The following SLC24A3 variants were observed in gnomAD, a reference collection of about 807,000 sequenced individuals.
The protein encoded by SLC24A3 is sodium/potassium/calcium exchanger 3.
In SLC24A3, 28 loss-of-function variants were observed where a neutral mutation model predicts 75.8. The observed-to-expected ratio is 0.37, with a 90% confidence interval of 0.27 to 0.51. The LOEUF is 0.51. Ranked by LOEUF, SLC24A3 falls within the 20% of genes least tolerant of loss-of-function variation. SLC24A3 has a pLI of 0.94. For missense variants in SLC24A3, 663 were observed against 847.8 expected, an observed-to-expected ratio of 0.78 and a Z score of 2.71; for synonymous variants, 372 against 334.1, an observed-to-expected ratio of 1.11 and a Z score of -1.24.
intron 3 of SLC24A3, among the ~76,000 whole-genome samples, chr20:19,554,842 G>A (rs2122603426): frequency 6.6e-6 from 1 of 152,312 alleles, no homozygotes; most frequent in East Asian, 1.9e-4. Context: ...GCTCAGTGGA[G>A]AAGTCAGAGT....
In SLC24A3 at chr20:19,581,826, C is replaced by T. The variant is rs79723012; in HGVS notation, c.423+1752C>T. Among the ~76,000 whole-genome samples the T allele has an allele frequency of 4.0e-4, 61 of 152,264 alleles. No individual in the cohort carries two copies. The East Asian group carries it at 9.5e-3, about 24-fold the overall frequency. ...GGCTTTTCTCTACTCCATCCAGAGA[C>T]GAGCCTGGACCAGGTCATGGTGGTG... is the stretch of plus-strand genomic sequence containing the variant. On this transcript the variant is annotated intron_variant, in intron 4 of 16. Transcript: ENST00000328041.
chr20:19,459,573 A>G (rs146023161), intron 2 of SLC24A3, among the ~76,000 whole-genome samples: 1 of 152,368 alleles, frequency 6.6e-6, no homozygotes, highest in African/African-American at 2.4e-5. Context: ...ACATACTGCA[A>G]TATTCAATAG....
At chr20:19,336,533 C>T (rs1985139280) in intron 2 of SLC24A3, among the ~76,000 whole-genome samples, 2 of 152,098 alleles carry the variant, frequency 1.3e-5, no homozygotes, top group Non-Finnish European at 1.5e-5. Flanking sequence ...TTACAGGCGC[C>T]TGCCACCACA....
In SLC24A3 at chr20:19,593,956, C is replaced by T. The variant is rs116665242; in HGVS notation, c.612+8412C>T. 3.1e-3 allele frequency among the ~76,000 whole-genome samples: 468 copies of T among 152,330 alleles called. 4 individuals are homozygous for T. Among genetic ancestry groups the T allele is most frequent in the African/African-American group, 9.8e-3 (407 of 41,568 alleles). Reference sequence around the variant, plus strand: ...CATTCACTCCTGAACCCCACAACAGCTGCCGGGTGGGCCCAGGCACCCCTA... The same window carrying T: ...CATTCACTCCTGAACCCCACAACAGTTGCCGGGTGGGCCCAGGCACCCCTA... On this transcript the variant is annotated intron_variant, in intron 6 of 16. Transcript: ENST00000328041.
At chr20:19,253,807 G>A (rs1171646090) in intron 1 of SLC24A3, among the ~76,000 whole-genome samples, 1 of 152,246 alleles carries the variant, frequency 6.6e-6, no homozygotes, top group Non-Finnish European at 1.5e-5. Flanking sequence ...ATTCACATGT[G>A]AGATGAAAAC....
chr20:19,281,495 G>A (rs983580966), intron 2 of SLC24A3, among the ~76,000 whole-genome samples: 3 of 152,136 alleles, frequency 2.0e-5, no homozygotes, highest in Admixed American at 6.6e-5. Context: ...ACAGGGATTG[G>A]GCCGGATCGT....
chr20:19,450,467 C>A (rs1431423845), intron 2 of SLC24A3, among the ~76,000 whole-genome samples: 1 of 152,036 alleles, frequency 6.6e-6, no homozygotes, highest in Non-Finnish European at 1.5e-5. Flanking sequence ...GGGGTGTGGG[C>A]AGAGGAAGTC....
In SLC24A3 at chr20:19,685,297, T is replaced by C; in HGVS notation, c.1260T>C (p.Asn420=). 1 of 1,613,582 alleles carries C rather than the reference T, an allele frequency of 6.2e-7. No individual in the cohort carries two copies. Among genetic ancestry groups the C allele is most frequent in the Non-Finnish European group, 8.5e-7 (1 of 1,179,924 alleles). The change falls in exon 12 of 17, where the codon AAT becomes AAC. Residue 420 remains asparagine, a synonymous_variant. Coordinates refer to ENST00000328041, the MANE Select transcript of SLC24A3 (RefSeq NM_020689.4). The part of the protein sequence containing the change: ...ETENENEDNE[N]DEEEEEDEDD... ...AGAATGAAAATGAGGACAATGAGAA[T>C]GATGAGGAGGAAGAGGAGGACGAGG...
At chr20:19,571,591 A>G (rs1026748452) in intron 3 of SLC24A3, among the ~76,000 whole-genome samples, 5 of 152,208 alleles carry the variant, frequency 3.3e-5, no homozygotes, top group Non-Finnish European at 5.9e-5. Flanking sequence ...GTGACCTTCA[A>G]GAACACTAAA....
intron 2 of SLC24A3, among the ~76,000 whole-genome samples, chr20:19,300,057 A>G (rs1316316631): frequency 1.3e-5 from 2 of 152,154 alleles, no homozygotes; most frequent in East Asian, 3.9e-4. Context: ...TGCTCTGGGA[A>G]GTGATGTGTG....
At chr20:19,460,772 T>G (rs1239087842) in intron 2 of SLC24A3, among the ~76,000 whole-genome samples, 14 of 152,228 alleles carry the variant, frequency 9.2e-5, no homozygotes, top group Admixed American at 9.2e-4. Context: ...CCCTCCCTTG[T>G]TCTTTTACCT....
intron 2 of SLC24A3, among the ~76,000 whole-genome samples, chr20:19,483,722 A>G (rs1988090859): frequency 6.6e-6 from 1 of 152,178 alleles, no homozygotes; most frequent in African/African-American, 2.4e-5. Flanking sequence ...AGTTGCTGTG[A>G]TAATAGCCCA....
intron 2 of SLC24A3, among the ~76,000 whole-genome samples, chr20:19,338,711 C>T (rs980253585): frequency 6.6e-6 from 1 of 152,156 alleles, no homozygotes; most frequent in African/African-American, 2.4e-5. Flanking sequence ...AGATGCTGAC[C>T]TCAAGGGACT....
At chr20:19,681,100 A>G (rs1182681789) in intron 9 of SLC24A3, among the ~76,000 whole-genome samples, 1 of 152,188 alleles carries the variant, frequency 6.6e-6, no homozygotes, top group African/African-American at 2.4e-5. Flanking sequence ...ATCTTCTCAT[A>G]CTAAAGCTAG....
At chr20:19,561,610 C>T (rs367939234) in intron 3 of SLC24A3, among the ~76,000 whole-genome samples, 33 of 152,310 alleles carry the variant, frequency 2.2e-4, no homozygotes, top group African/African-American at 7.2e-4. Flanking sequence ...CACTTCTACT[C>T]AGTTGGTCCC....
At position 19,212,879 on chromosome 20, in the gene SLC24A3, C is replaced by T. The variant is rs1600376621; in HGVS notation, c.37C>T (p.Arg13Cys). Residue 13 changes from arginine (R) to cysteine (C), a missense_variant, in exon 1 of 17, where the codon CGC becomes TGC. Around this residue, in one of 2 missense-constraint regions of SLC24A3, gnomAD observed 153 missense variants for 144.2 expected, o/e 1.06. Coordinates refer to ENST00000328041, the MANE Select transcript of SLC24A3 (RefSeq NM_020689.4). ...PSGDEDRARR[R>C]RRRRRRRDLL... ...CGGCGACGAGGACCGCGCGCGTCGC[C>T]GCCGCCGCCGCCGCCGCCGGAGGGA... is the stretch of plus-strand genomic sequence containing the variant. 2 of 1,273,450 alleles carry T rather than the reference C, an allele frequency of 1.6e-6. No homozygotes were observed. Among genetic ancestry groups the T allele is most frequent in the African/African-American group, 1.6e-5 (1 of 64,150 alleles). 78.9% of individuals were successfully genotyped at this position (1,273,450 alleles called of 1,614,324 possible).
At chr20:19,685,804 C>A (rs1430136682) in intron 12 of SLC24A3, among the ~76,000 whole-genome samples, 1 of 152,142 alleles carries the variant, frequency 6.6e-6, no homozygotes, top group Non-Finnish European at 1.5e-5. Context: ...AGCTACCTTC[C>A]AGCAAGCAGG....
At chr20:19,305,441 C>CAT in intron 2 of SLC24A3, among the ~76,000 whole-genome samples, 1 of 152,048 alleles carries the variant, frequency 6.6e-6, no homozygotes, top group Middle Eastern at 3.4e-3. Flanking sequence ...GTGAATGCTA[C>CAT]GCCCTGACGG....
chr20:19,649,124 A>G (rs1190155393), intron 6 of SLC24A3, among the ~76,000 whole-genome samples: 3 of 152,180 alleles, frequency 2.0e-5, no homozygotes, highest in Non-Finnish European at 4.4e-5. Flanking sequence ...CTTCTCATCA[A>G]CCTACTGTGG....
Sources: gnomAD v4.1 joint callset for allele counts (sites outside exome capture counted in the v4.1 genomes callset) on GRCh38, gnomAD v4.1.1 for gene constraint, gnomAD v4.1.1 regional missense constraint, MANE v1.5 for transcripts, NCBI Gene and HGNC (gene_info 2026-07-23, HGNC 2026-07-21) for gene names.